Variants in UBE2E2 observed in about 807,000 individuals in gnomAD.
UBE2E2 encodes the protein ubiquitin conjugating enzyme E2 E2.
UBE2E2 carries 6 observed loss-of-function variants against 24.7 expected under a neutral mutation model. That is an observed-to-expected ratio of 0.24 (90% CI 0.13 to 0.48). The LOEUF is 0.48. UBE2E2 is among the 20% of genes least tolerant of loss of function. UBE2E2 has a pLI of 0.99. For missense variants in UBE2E2, 169 were observed against 245.0 expected, an observed-to-expected ratio of 0.69 and a Z score of 2.07; for synonymous variants, 104 against 83.6, an observed-to-expected ratio of 1.24 and a Z score of -1.33.
intron 3 of UBE2E2, among the ~76,000 whole-genome samples, chr3:23,409,114 T>C (rs1559375308): frequency 6.6e-6 from 1 of 152,302 alleles, no homozygotes; most frequent in East Asian, 1.9e-4. Context: ...TTGGCTTTAC[T>C]TTCTCAGGAA....
intron 3 of UBE2E2, among the ~76,000 whole-genome samples, chr3:23,439,825 G>A (rs995184944): frequency 6.6e-6 from 1 of 152,052 alleles, no homozygotes; most frequent in African/African-American, 2.4e-5. Flanking sequence ...AAGTACCATA[G>A]TGCTGTCCAT....
In UBE2E2 at chr3:23,534,076, T is replaced by G. The variant is rs150359268; in HGVS notation, c.508+1375T>G. ...TTCCCATTTTAATCCCATTTGTCTG[T>G]GACTGTGTATAACCTTGTATAACCT... On this transcript the variant is annotated intron_variant, in intron 5 of 5. Coordinates refer to ENST00000396703, the MANE Select transcript of UBE2E2 (RefSeq NM_152653.4). 8.0e-4 allele frequency: 399 copies of G among 496,750 alleles called. 3 individuals carry two copies. The highest frequency in any genetic ancestry group is 7.9e-3 in the African/African-American group (379 of 47,740). 30.8% of individuals were successfully genotyped at this position (496,750 alleles called of 1,614,324 possible). A position where few individuals can be genotyped will look rare whatever the true frequency, so the allele number is the denominator to read the frequency against.
chr3:23,299,848 T>C (rs13075300), intron 3 of UBE2E2, among the ~76,000 whole-genome samples: 11,295 of 152,170 alleles, frequency 0.074, 543 homozygotes, highest in Non-Finnish European at 0.092. Flanking sequence ...TTGTTAACTT[T>C]CTGTCTCGTT....
chr3:23,415,422 C>T (rs1286056286), intron 3 of UBE2E2, among the ~76,000 whole-genome samples: 1 of 152,142 alleles, frequency 6.6e-6, no homozygotes, highest in African/African-American at 2.4e-5. Flanking sequence ...TTAGCGAGAC[C>T]AACATCCTTT....
At chr3:23,427,118 T>C (rs1374411147) in intron 3 of UBE2E2, among the ~76,000 whole-genome samples, 1 of 151,936 alleles carries the variant, frequency 6.6e-6, no homozygotes, top group Non-Finnish European at 1.5e-5. Flanking sequence ...AGAATCATTT[T>C]TCAAAAAGTT....
intron 4 of UBE2E2, among the ~76,000 whole-genome samples, chr3:23,522,540 C>T (rs73043689): frequency 0.13 from 20,223 of 151,978 alleles, 1,430 homozygotes; most frequent in Middle Eastern, 0.2. Context: ...TGAGTTTGTA[C>T]TCTTAGAGTT....
intron 3 of UBE2E2, among the ~76,000 whole-genome samples, chr3:23,320,410 A>G (rs1267863012): frequency 2.6e-5 from 4 of 152,164 alleles, no homozygotes; most frequent in African/African-American, 7.2e-5. Context: ...TTCACATACC[A>G]TACACTTCAT....
chr3:23,497,924 A>G (rs1699639205), intron 3 of UBE2E2, among the ~76,000 whole-genome samples: 1 of 152,180 alleles, frequency 6.6e-6, no homozygotes, highest in African/African-American at 2.4e-5. Flanking sequence ...TAGGAGTTCT[A>G]GTTTTTCCAC....
At chr3:23,535,020 G>T (rs1695217748) in intron 5 of UBE2E2, among the ~76,000 whole-genome samples, 2 of 151,848 alleles carry the variant, frequency 1.3e-5, no homozygotes, top group Non-Finnish European at 2.9e-5. Context: ...AAGAATTTTT[G>T]GTCCATTCCA....
intron 5 of UBE2E2, among the ~76,000 whole-genome samples, chr3:23,549,035 A>G (rs542805876): frequency 6.6e-6 from 1 of 152,206 alleles, no homozygotes; most frequent in South Asian, 2.1e-4. Context: ...GCCAGTACCT[A>G]CCTTCTTAAT....
At chr3:23,538,994 T>TA (rs372432635) in intron 5 of UBE2E2, among the ~76,000 whole-genome samples, 14 of 152,264 alleles carry the variant, frequency 9.2e-5, no homozygotes, top group South Asian at 2.1e-4. Context: ...TTCTAGGAAA[T>TA]ACTGAATGAG....
intron 5 of UBE2E2, among the ~76,000 whole-genome samples, chr3:23,566,428 C>T (rs1248463411): frequency 6.6e-6 from 1 of 152,148 alleles, no homozygotes; most frequent in Non-Finnish European, 1.5e-5. Flanking sequence ...AGTGGACAGC[C>T]TGAAGACAGA....
chr3:23,215,933 A>G (rs533994199), intron 2 of UBE2E2, among the ~76,000 whole-genome samples: 1 of 152,292 alleles, frequency 6.6e-6, no homozygotes, highest in South Asian at 2.1e-4. Context: ...AAATATGGGC[A>G]ATATGTACTT....
chr3:23,293,122 T>A (rs1698813047), intron 3 of UBE2E2, among the ~76,000 whole-genome samples: 1 of 152,232 alleles, frequency 6.6e-6, no homozygotes, highest in Non-Finnish European at 1.5e-5. Flanking sequence ...TGGTTGTGAT[T>A]ATTAAATATT....
intron 3 of UBE2E2, among the ~76,000 whole-genome samples, chr3:23,420,308 A>G (rs551497981): frequency 1.3e-5 from 2 of 152,366 alleles, no homozygotes; most frequent in South Asian, 2.1e-4. Context: ...AAGGAACTCT[A>G]TAAATAATGA....
intron 3 of UBE2E2, among the ~76,000 whole-genome samples, chr3:23,464,293 AGG>A: frequency 2.0e-5 from 3 of 152,150 alleles, no homozygotes; most frequent in Non-Finnish European, 4.4e-5. Context: ...TTACCTTTAT[AGG>A]AAATACTTTA....
At chr3:23,423,791 A>T (rs1289554769) in intron 3 of UBE2E2, among the ~76,000 whole-genome samples, 1 of 152,070 alleles carries the variant, frequency 6.6e-6, no homozygotes, top group Non-Finnish European at 1.5e-5. Flanking sequence ...ATGATAATAA[A>T]CCCTACATCT....
chr3:23,537,834 A>G (rs1241308589), intron 5 of UBE2E2, among the ~76,000 whole-genome samples: 1 of 152,188 alleles, frequency 6.6e-6, no homozygotes, highest in South Asian at 2.1e-4. Flanking sequence ...ATTGATAGTG[A>G]CTGCTGGTGG....
chr3:23,367,187 C>T (rs556623621), intron 3 of UBE2E2, among the ~76,000 whole-genome samples: 9 of 152,144 alleles, frequency 5.9e-5, no homozygotes, highest in African/African-American at 2.2e-4. Context: ...ATTAATTTGC[C>T]CTGTGTTTGT....
Sources: allele counts gnomAD v4.1 joint callset (sites outside exome capture counted in the v4.1 genomes callset), GRCh38; gene constraint gnomAD v4.1.1; transcripts MANE v1.5; gene names NCBI Gene and HGNC (gene_info 2026-07-23, HGNC 2026-07-21).